The following SULT2B1 variants were observed in gnomAD, a reference collection of about 807,000 sequenced individuals.
The protein encoded by SULT2B1 is sulfotransferase family 2B member 1, also known as sulfotransferase 2B1.
SULT2B1 carries 16 observed loss-of-function variants against 33.2 expected under a neutral mutation model. That is an observed-to-expected ratio of 0.48 (90% confidence interval 0.33 to 0.73). The LOEUF (loss-of-function observed/expected upper bound fraction) is 0.73, where lower values mean the gene tolerates loss of function less well. Ranked by LOEUF, SULT2B1 falls within the 30% of genes least tolerant of loss-of-function variation. SULT2B1 has a pLI of 0.02. For missense variants in SULT2B1, 500 were observed against 506.0 expected, an observed-to-expected ratio of 0.99 and a Z score of 0.11; for synonymous variants, 186 against 200.5, an observed-to-expected ratio of 0.93 and a Z score of 0.61.
chr19:48,576,919 G>A (rs8108022), intron 2 of SULT2B1, among the ~76,000 whole-genome samples: 68,536 of 151,416 alleles, frequency 0.45, 15,908 homozygotes, highest in South Asian at 0.58. Flanking sequence ...GGGATTACAG[G>A]CATGAGCCAC....
At chr19:48,570,594 C>T (rs1973309037) in intron 1 of SULT2B1, among the ~76,000 whole-genome samples, 1 of 152,134 alleles carries the variant, frequency 6.6e-6, no homozygotes, top group Non-Finnish European at 1.5e-5. Flanking sequence ...AGTACAGTGG[C>T]TATAAACATG....
intron 2 of SULT2B1, among the ~76,000 whole-genome samples, chr19:48,577,751 A>G (rs1307363191): frequency 1.3e-5 from 2 of 152,160 alleles, no homozygotes; most frequent in Non-Finnish European, 2.9e-5. Context: ...AGTATTTATT[A>G]AACACATATT....
intron 2 of SULT2B1, among the ~76,000 whole-genome samples, chr19:48,586,776 G>A (rs1415151276): frequency 6.6e-6 from 1 of 152,180 alleles, no homozygotes; most frequent in African/African-American, 2.4e-5. Flanking sequence ...TCTGCCAGCT[G>A]TAAGGAATCA....
chr19:48,594,920 G>A (rs1482053102), intron 5 of SULT2B1, among the ~76,000 whole-genome samples: 3 of 152,152 alleles, frequency 2.0e-5, no homozygotes, highest in Non-Finnish European at 4.4e-5. Context: ...TACTTTGGAG[G>A]CTGAGGCAGG....
rs1480109557 is a variant in SULT2B1, at chr19:48,591,867, CAG to C, written c.550+137_550+138del. ...AGGGCATCAAAAGGGGCAATAGAGA[CAG>C]AGAGCAGGTGGCCAGGAGAAGAGAC... On this transcript the variant is annotated intron_variant, in intron 4 of 6. Coordinates refer to ENST00000201586, the MANE Select transcript of SULT2B1 (RefSeq NM_177973.2). 6 of 1,102,176 alleles carry C rather than the reference CAG, an allele frequency of 5.4e-6. No individual in the cohort carries two copies. In the Admixed American group the frequency reaches 2.0e-4, roughly 38 times the overall value. The allele number at this position is 1,102,176 out of a possible 1,614,324, so 68.3% of individuals were successfully genotyped here.
Position 48,579,597 on chromosome 19 carries a change from C to CT in SULT2B1, c.214+3517dup, listed in dbSNP as rs1319480916. Among the ~76,000 whole-genome samples the CT allele has an allele frequency of 5.9e-3, 345 of 58,480 alleles. 1 individual carries two copies. Among genetic ancestry groups the CT allele is most frequent in the African/African-American group, 0.022 (321 of 14,368 alleles). The allele number at this position is 58,480 out of a possible 152,430, so 38.4% of individuals were successfully genotyped here. On this transcript the variant is annotated intron_variant, in intron 2 of 6. Transcript: ENST00000201586. ...GCGCCCGGCCTTTTTCTTTTCTTTT[C>CT]TTTCTTTCTTTTTTTTTTTTTTTTT...
At chr19:48,579,371 C>T (rs1207348385) in intron 2 of SULT2B1, among the ~76,000 whole-genome samples, 1 of 151,162 alleles carries the variant, frequency 6.6e-6, no homozygotes, top group East Asian at 2.0e-4. Flanking sequence ...CAAACTCCGC[C>T]TCCCGAGTTC....
chr19:48,594,137 T>G (rs1973680954), intron 5 of SULT2B1, among the ~76,000 whole-genome samples: 1 of 151,862 alleles, frequency 6.6e-6, no homozygotes, highest in South Asian at 2.1e-4. Context: ...GGCGGGCGCC[T>G]GTAGCCCCAG....
intron 3 of SULT2B1, among the ~76,000 whole-genome samples, chr19:48,588,119 A>C (rs1973591207): frequency 6.6e-6 from 1 of 151,078 alleles, no homozygotes; most frequent in South Asian, 2.1e-4. Flanking sequence ...CTAAGGCAGG[A>C]GAATTGCTGG....
intron 1 of SULT2B1, among the ~76,000 whole-genome samples, chr19:48,558,541 C>T (rs1362640454): frequency 1.3e-5 from 2 of 152,074 alleles, no homozygotes; most frequent in Non-Finnish European, 2.9e-5. Flanking sequence ...CTCTTATTGA[C>T]GGGGAGGGCG....
At position 48,552,469 on chromosome 19, in the gene SULT2B1, G is replaced by A; in HGVS notation, c.71+146G>A. On this transcript the variant is annotated intron_variant, in intron 1 of 6. Transcript: ENST00000201586. The surrounding 1 kb of genome is among the most constrained non-coding windows in gnomAD (Gnocchi z 4.8). ...TTAGCTGGAGGGGCTGGGCTGGGCT[G>A]GGGCATCCAGTGTGGTGTATAGGTC... The A allele has an allele frequency of 1.2e-6, 1 of 809,338 alleles. No individual in the cohort carries two copies. Among genetic ancestry groups the A allele is most frequent in the Admixed American group, 2.8e-5 (1 of 36,246 alleles). The allele number at this position is 809,338 out of a possible 1,614,324, so 50.1% of individuals were successfully genotyped here. A position where few individuals can be genotyped will look rare whatever the true frequency, so the allele number is the denominator to read the frequency against.
intron 5 of SULT2B1, among the ~76,000 whole-genome samples, chr19:48,595,190 G>A (rs987857591): frequency 6.6e-5 from 10 of 152,074 alleles, no homozygotes; most frequent in Non-Finnish European, 1.3e-4. Flanking sequence ...GCTGAGGCAG[G>A]AGAATCGCTT....
Position 48,599,099 on chromosome 19 carries a change from G to C in SULT2B1, c.827-36G>C. The C allele has an allele frequency of 6.5e-7, 1 of 1,546,444 alleles. No individual in the cohort carries two copies. Among genetic ancestry groups the C allele is most frequent in the Non-Finnish European group, 8.7e-7 (1 of 1,150,506 alleles). On this transcript the variant is annotated intron_variant, in intron 6 of 6. Coordinates refer to ENST00000201586, the MANE Select transcript of SULT2B1 (RefSeq NM_177973.2). This position sits in a 1 kb window ranked among gnomAD's most constrained non-coding sequence, Gnocchi z 4.1. ...GGAGGTAGGGGCGCAGTGCTCCCCA[G>C]AGGCTCCTCACCCCCTGGTGCCCCC...
intron 1 of SULT2B1, chr19:48,575,722 C>T: frequency 4.4e-6 from 3 of 680,486 alleles, no homozygotes; most frequent in Non-Finnish European, 4.3e-6. Context: ...CTCAGGTGAT[C>T]CACCCACCTC....
At chr19:48,572,044 G>A (rs889893183) in intron 1 of SULT2B1, among the ~76,000 whole-genome samples, 2 of 152,164 alleles carry the variant, frequency 1.3e-5, no homozygotes, top group South Asian at 4.1e-4. Context: ...TCTGGGAGAA[G>A]TCTAGGATCA....
chr19:48,560,622 T>C (rs964092357), intron 1 of SULT2B1, among the ~76,000 whole-genome samples: 4 of 152,106 alleles, frequency 2.6e-5, no homozygotes, highest in African/African-American at 9.7e-5. Flanking sequence ...TAATCACATA[T>C]CTAATCTATC....
intron 1 of SULT2B1, among the ~76,000 whole-genome samples, chr19:48,565,378 C>G (rs996362273): frequency 6.6e-6 from 1 of 151,060 alleles, no homozygotes; most frequent in Non-Finnish European, 1.5e-5. Context: ...GAGAGAGAGA[C>G]AGAGAGATGG....
At chr19:48,596,234 T>C (rs2665587) in intron 5 of SULT2B1, 129,714 of 156,132 alleles carry the variant, frequency 0.83, 54,146 homozygotes, top group Admixed American at 0.87. Context: ...GGGCTCATGA[T>C]GGACAGGTTT....
chr19:48,552,737 G>A lies in SULT2B1; in HGVS notation c.71+414G>A, dbSNP rs1402817226. Among the ~76,000 whole-genome samples, 1 of 152,116 alleles carries A rather than the reference G, an allele frequency of 6.6e-6. No individual in the cohort carries two copies. The highest frequency in any genetic ancestry group is 6.6e-5 in the Admixed American group (1 of 15,266). ...AGCCCTGAAATAACGGGGGTGCTTG[G>A]GGGTGAAATGGGAGAGACTGGGATG... On this transcript the variant is annotated intron_variant, in intron 1 of 6. Coordinates refer to ENST00000201586, the MANE Select transcript of SULT2B1 (RefSeq NM_177973.2). This position sits in a 1 kb window ranked among gnomAD's most constrained non-coding sequence, Gnocchi z 4.8.
Sources: gnomAD v4.1 joint callset for allele counts (sites outside exome capture counted in the v4.1 genomes callset) on GRCh38, gnomAD v4.1.1 for gene constraint, Gnocchi (gnomAD v3.1) non-coding constraint, MANE v1.5 for transcripts, NCBI Gene and HGNC (gene_info 2026-07-23, HGNC 2026-07-21) for gene names.